The following COG5 variants were observed in gnomAD, a reference collection of about 807,000 sequenced individuals.
The protein encoded by COG5 is conserved oligomeric Golgi complex subunit 5.
Under a neutral mutation model 110.4 loss-of-function variants are expected in COG5, and 86 were observed. The observed-to-expected ratio is 0.78, with a 90% confidence interval of 0.65 to 0.93. The LOEUF is 0.93. Among genes scored for constraint, COG5 ranks in the 40% least tolerant of loss-of-function variants. The pLI is 0.00. For synonymous variants in COG5, 360 were observed against 334.6 expected, an observed-to-expected ratio of 1.08 and a Z score of -0.83; for missense variants, 1,077 against 987.0, an observed-to-expected ratio of 1.09 and a Z score of -1.22.
At chr7:107,412,436 A>C in intron 7 of COG5, 66 bp downstream of exon 7, 1 of 1,507,512 alleles carries the variant, frequency 6.6e-7, no homozygotes, top group Non-Finnish European at 9.2e-7. Flanking sequence ...TTTTGAACTC[A>C]AAGTCAAATG....
chr7:107,351,147 T>A (rs1812098444), intron 10 of COG5, among the ~76,000 whole-genome samples: 1 of 152,132 alleles, frequency 6.6e-6, no homozygotes, highest in Non-Finnish European at 1.5e-5. Flanking sequence ...CCCTCAGAAA[T>A]AATGCCACAT....
intron 19 of COG5, among the ~76,000 whole-genome samples, chr7:107,215,844 G>A (rs891991961): frequency 6.6e-6 from 1 of 151,584 alleles, no homozygotes; most frequent in African/African-American, 2.4e-5. Context: ...GGAGTAGCTG[G>A]GACTAGAGGC....
At chr7:107,271,762 C>T (rs994871422) in intron 14 of COG5, among the ~76,000 whole-genome samples, 24 of 151,536 alleles carry the variant, frequency 1.6e-4, no homozygotes, top group Non-Finnish European at 2.4e-4. Flanking sequence ...TTATTATTTC[C>T]TTCTTACTAT....
chr7:107,372,508 C>T (rs1814267423), intron 8 of COG5, 87 bp downstream of exon 8: 7 of 1,290,986 alleles, frequency 5.4e-6, no homozygotes, highest in South Asian at 5.0e-5. Context: ...CATTAGATTG[C>T]TTTGAAACAT....
intron 10 of COG5, among the ~76,000 whole-genome samples, chr7:107,343,747 A>T (rs982582290): frequency 4.6e-5 from 7 of 152,148 alleles, no homozygotes; most frequent in African/African-American, 1.7e-4. Context: ...TTTCTTAATC[A>T]TGGGCTGTAG....
intron 6 of COG5, among the ~76,000 whole-genome samples, chr7:107,456,917 C>T (rs1795698573): frequency 6.6e-6 from 1 of 152,198 alleles, no homozygotes; most frequent in South Asian, 2.1e-4. Context: ...AAATGTTCCT[C>T]TGAAGCTGCC....
chr7:107,227,706 C>CG (rs1363058523), intron 19 of COG5, among the ~76,000 whole-genome samples: 1 of 118,164 alleles, frequency 8.5e-6, no homozygotes, highest in Non-Finnish European at 1.8e-5. Context: ...TTTTTTGGGG[C>CG]GGGGGGTGTG....
chr7:107,445,830 G>A (rs1044908993), intron 6 of COG5, among the ~76,000 whole-genome samples: 2 of 152,134 alleles, frequency 1.3e-5, no homozygotes, highest in Non-Finnish European at 2.9e-5. Flanking sequence ...TCATGCGCTA[G>A]GCACTATGCT....
chr7:107,480,969 T>G (rs1052836974), intron 6 of COG5: 9 of 152,180 alleles, frequency 5.9e-5, no homozygotes, highest in African/African-American at 1.9e-4. Context: ...CCCATTCTAT[T>G]CATACATTTT....
intron 6 of COG5, among the ~76,000 whole-genome samples, chr7:107,459,906 C>T (rs185625850): frequency 6.6e-6 from 1 of 152,088 alleles, no homozygotes; most frequent in African/African-American, 2.4e-5. Flanking sequence ...TAGAACACTA[C>T]TCCTAACAAT....
At chr7:107,554,446 T>A (rs1465444657) in intron 2 of COG5, 104 bp from the exon 3 acceptor site, 4 of 999,440 alleles carry the variant, frequency 4.0e-6, no homozygotes, top group Non-Finnish European at 6.2e-6. Flanking sequence ...ACGAGGCAAA[T>A]ACAAATACAA....
chr7:107,461,397 A>T (rs1795982555), intron 6 of COG5, among the ~76,000 whole-genome samples: 1 of 152,166 alleles, frequency 6.6e-6, no homozygotes, highest in African/African-American at 2.4e-5. Context: ...TCCTGATAAA[A>T]ATTCTCAACA....
At chr7:107,296,160 C>T (rs1391435099) in intron 12 of COG5, among the ~76,000 whole-genome samples, 1 of 151,256 alleles carries the variant, frequency 6.6e-6, no homozygotes, top group Non-Finnish European at 1.5e-5. Context: ...CCCTCCCTCC[C>T]CTCTCTCTCC....
At chr7:107,217,748 T>C (rs1435191868) in intron 19 of COG5, among the ~76,000 whole-genome samples, 1 of 152,108 alleles carries the variant, frequency 6.6e-6, no homozygotes, top group Non-Finnish European at 1.5e-5. Flanking sequence ...AGCCTACAGC[T>C]AACATTATAC....
chr7:107,413,823 C>T (rs12155143), intron 6 of COG5, among the ~76,000 whole-genome samples: 149 of 152,142 alleles, frequency 9.8e-4, no homozygotes, highest in Admixed American at 1.2e-3. Flanking sequence ...GTGTGTATTA[C>T]TTTAATGCAT....
rs1383273551 is a variant in COG5 at position 107,415,939 on chromosome 7, CGTAT to C, written c.539-3311_539-3308del. On this transcript the variant is annotated intron_variant, in intron 6 of 21. Transcript: ENST00000297135. Reference sequence around the variant, plus strand: ...GTGTGTGTATATACACACACATACACGTATGTATGTATGTGTGTGTATATACACA... The same window carrying C: ...GTGTGTGTATATACACACACATACACGTATGTATGTGTGTGTATATACACA... 1.0e-3 allele frequency among the ~76,000 whole-genome samples: 118 copies of C among 117,578 alleles called. 18 individuals carry two copies. The highest frequency in any genetic ancestry group is 1.5e-3 in the Non-Finnish European group (82 of 54,918). 77.1% of individuals were successfully genotyped at this position (117,578 alleles called of 152,430 possible).
intron 1 of COG5, 80 bp from the exon 2 acceptor site, chr7:107,558,195 C>A (rs942504660): frequency 5.0e-6 from 7 of 1,387,980 alleles, no homozygotes; most frequent in Non-Finnish European, 6.1e-6. Flanking sequence ...CAATTATAAT[C>A]ATAATTAACA....
At chr7:107,413,895 C>T (rs531924405) in intron 6 of COG5, among the ~76,000 whole-genome samples, 35 of 152,188 alleles carry the variant, frequency 2.3e-4, no homozygotes, top group Middle Eastern at 3.2e-3. Flanking sequence ...GATGGAGATA[C>T]TAAAATCCGA....
chr7:107,363,955 CAAA>C (rs34287367), intron 8 of COG5, among the ~76,000 whole-genome samples: 1 of 109,008 alleles, frequency 9.2e-6, no homozygotes. Flanking sequence ...AACTCCATCT[CAAA>C]AAAAAAAAAA....
Sources: allele counts gnomAD v4.1 joint callset (sites outside exome capture counted in the v4.1 genomes callset), GRCh38; gene constraint gnomAD v4.1.1; transcripts MANE v1.5; gene names NCBI Gene and HGNC (gene_info 2026-07-23, HGNC 2026-07-21).